SMARCA2: variants seen among roughly 807,000 people sequenced by gnomAD.
SMARCA2 encodes the protein SWI/SNF related BAF chromatin remodeling complex subunit ATPase 2, also known as SWI/SNF-related matrix-associated actin-dependent regulator of chromatin subfamily A member 2.
In SMARCA2, 61 loss-of-function variants were observed where a neutral mutation model predicts 199.8. That is an observed-to-expected ratio of 0.31 (90% CI 0.25 to 0.38). The LOEUF (loss-of-function observed/expected upper bound fraction) is 0.38. SMARCA2 is among the 10% of genes least tolerant of loss of function. The pLI is 1.00. For missense variants in SMARCA2, 1,344 were observed against 2,012.2 expected, an observed-to-expected ratio of 0.67 and a Z score of 6.35; for synonymous variants, 935 against 732.0, an observed-to-expected ratio of 1.28 and a Z score of -4.48.
Position 2,186,323 on chromosome 9 carries a change from C to T in SMARCA2, c.4594+95C>T, listed in dbSNP as rs529473519. 3 of 1,322,676 alleles carry T rather than the reference C, an allele frequency of 2.3e-6. No homozygotes were observed. The African/African-American group carries it at 5.1e-5, about 22-fold the overall frequency. The allele number at this position is 1,322,676 out of a possible 1,614,324, so 81.9% of individuals were successfully genotyped here. A position where few individuals can be genotyped will look rare whatever the true frequency, so the allele number is the denominator to read the frequency against. On this transcript the variant is annotated intron_variant, in intron 32 of 33. Transcript: ENST00000349721. The stretch of plus-strand genomic sequence containing the variant: ...TCACAGAAGAGACTTTAGAGTGGGG[C>T]AGATCTGGATTGGAGCCCTTATTCC...
chr9:2,056,573 C>G lies in SMARCA2; in HGVS notation c.1174-99C>G. On this transcript the variant is annotated intron_variant, in intron 6 of 33. Coordinates refer to ENST00000349721, the MANE Select transcript of SMARCA2 (RefSeq NM_003070.5). This position sits in a 1 kb window ranked among gnomAD's most constrained non-coding sequence, Gnocchi z 4.0. The stretch of plus-strand genomic sequence containing the variant: ...GATTGAGAAGCTTGTGGAGATTCCC[C>G]GCCCCACTCTATTCCATTAAATGCA... The G allele has an allele frequency of 7.6e-6, 8 of 1,055,402 alleles. No homozygotes were observed. In the East Asian group the frequency reaches 1.6e-4, roughly 21 times the overall value. The allele number at this position is 1,055,402 out of a possible 1,614,324, so 65.4% of individuals were successfully genotyped here.
intron 6 of SMARCA2, chr9:2,055,708 G>C (rs1820322906): frequency 6.6e-6 from 1 of 152,192 alleles, no homozygotes; most frequent in Admixed American, 6.5e-5. Context: ...CTCTTGGTTT[G>C]TGAGAGTAGA....
At chr9:2,148,213 C>A (rs10964978) in intron 27 of SMARCA2, among the ~76,000 whole-genome samples, 67,252 of 151,234 alleles carry the variant, frequency 0.44, 17,945 homozygotes, top group Non-Finnish European at 0.57. Flanking sequence ...TATGTAAGTA[C>A]TATCTAATTG....
intron 27 of SMARCA2, chr9:2,158,167 A>G: frequency 6.1e-6 from 1 of 163,440 alleles, no homozygotes; most frequent in Non-Finnish European, 1.1e-5. Context: ...GGCCAAAAAA[A>G]AAAAAAAAAA....
chr9:2,160,881 A>C, intron 27 of SMARCA2: 2 of 353,282 alleles, frequency 5.7e-6, no homozygotes, highest in South Asian at 7.9e-5. Flanking sequence ...GAGATTTACC[A>C]GGAAAAAAAA....
chr9:2,183,215 T>C (rs1827183757), intron 31 of SMARCA2, among the ~76,000 whole-genome samples: 1 of 152,238 alleles, frequency 6.6e-6, no homozygotes, highest in African/African-American at 2.4e-5. Context: ...CCTTTATTTT[T>C]CTGATTGTAC....
At chr9:2,028,057 T>C (rs1444054156) in intron 1 of SMARCA2, among the ~76,000 whole-genome samples, 1 of 152,204 alleles carries the variant, frequency 6.6e-6, no homozygotes, top group East Asian at 1.9e-4. Flanking sequence ...TGGTGGAATA[T>C]AGTTCTGCTG....
At chr9:2,072,608 T>C (rs1563749246) in intron 10 of SMARCA2, among the ~76,000 whole-genome samples, 1 of 152,254 alleles carries the variant, frequency 6.6e-6, no homozygotes. Flanking sequence ...TTTCATTCTC[T>C]CTGAAACCAT....
At chr9:2,052,670 A>T (rs1431744673) in intron 5 of SMARCA2, among the ~76,000 whole-genome samples, 1 of 152,240 alleles carries the variant, frequency 6.6e-6, no homozygotes, top group Non-Finnish European at 1.5e-5. Context: ...AATTTTTAAA[A>T]ATGATGACAT....
intron 1 of SMARCA2, among the ~76,000 whole-genome samples, chr9:2,026,637 G>T (rs185398887): frequency 5.7e-4 from 87 of 152,248 alleles, no homozygotes; most frequent in African/African-American, 1.9e-3. Context: ...CAAACTCGTG[G>T]TATATTACTT....
At chr9:2,023,183 G>T in intron 1 of SMARCA2, among the ~76,000 whole-genome samples, 1 of 152,178 alleles carries the variant, frequency 6.6e-6, no homozygotes, top group East Asian at 1.9e-4. Context: ...CAGTGTCTGA[G>T]GTTCATGGGG....
intron 27 of SMARCA2, among the ~76,000 whole-genome samples, chr9:2,128,972 C>G (rs1480944387): frequency 6.6e-6 from 1 of 152,220 alleles, no homozygotes; most frequent in African/African-American, 2.4e-5. Context: ...ACACCAGCCA[C>G]ACTTTGGGGG....
chr9:2,121,477 A>G lies in SMARCA2; in HGVS notation c.3762+1942A>G, dbSNP rs969942915. ...TTTGGCCAATTCACTATTCCTTAGC[A>G]CCTCCACTTGGGGGCAGGAAATAAA... On this transcript the variant is annotated intron_variant, in intron 26 of 33. Transcript: ENST00000349721. Among the ~76,000 whole-genome samples, 7 of 152,100 alleles carry G rather than the reference A, an allele frequency of 4.6e-5. No homozygotes were observed. The East Asian group carries it at 1.3e-3, about 29-fold the overall frequency.
At chr9:2,019,518 C>T (rs1257742048) in intron 1 of SMARCA2, among the ~76,000 whole-genome samples, 6 of 148,702 alleles carry the variant, frequency 4.0e-5, no homozygotes, top group African/African-American at 1.2e-4. Flanking sequence ...AAAAAAAGTG[C>T]CTCGGCTTGT....
intron 12 of SMARCA2, 144 bp from the exon 13 acceptor site, chr9:2,076,085 T>C (rs1821312123): frequency 1.6e-6 from 1 of 620,332 alleles, no homozygotes; most frequent in South Asian, 2.0e-5. Flanking sequence ...CTTAAGTAGA[T>C]GTTACATTTA....
intron 3 of SMARCA2, among the ~76,000 whole-genome samples, chr9:2,035,253 G>A (rs1236959598): frequency 6.6e-6 from 1 of 152,010 alleles, no homozygotes; most frequent in Non-Finnish European, 1.5e-5. Flanking sequence ...TGTTGCCCAG[G>A]CTGGTCTTTG....
In SMARCA2 at chr9:2,096,756, G is replaced by A; in HGVS notation, c.2983G>A (p.Asp995Asn). The A allele has an allele frequency of 6.2e-7, 1 of 1,604,686 alleles. No individual in the cohort carries two copies. Among genetic ancestry groups the A allele is most frequent in the Non-Finnish European group, 8.5e-7 (1 of 1,171,342 alleles). ...CCTTCTCACAGATGGTTCTGAGAAA[G>A]ATAAGAAGGTACGTTGCGAAAGATG... ...GILLTDGSEK[D>N]KKGKGGAKTL... Residue 995 changes from aspartate (D) to asparagine (N), a missense_variant, in exon 20 of 34, where the codon GAT becomes AAT. This residue lies in a region of SMARCA2 where 98 missense variants were observed against 245.6 expected (regional missense o/e 0.40). Coordinates refer to ENST00000349721, the MANE Select transcript of SMARCA2 (RefSeq NM_003070.5).
intron 27 of SMARCA2, among the ~76,000 whole-genome samples, chr9:2,149,226 G>A (rs1824925816): frequency 6.6e-6 from 1 of 151,106 alleles, no homozygotes; most frequent in African/African-American, 2.4e-5. Context: ...ATGCAAAAGT[G>A]GAAACCCCTG....
At chr9:2,181,936 T>C (rs1827057887) in intron 30 of SMARCA2, among the ~76,000 whole-genome samples, 1 of 152,204 alleles carries the variant, frequency 6.6e-6, no homozygotes, top group South Asian at 2.1e-4. Context: ...TCCCATCATA[T>C]GCTCCTCCTT....
Sources: allele counts gnomAD v4.1 joint callset (sites outside exome capture counted in the v4.1 genomes callset), GRCh38; gene constraint gnomAD v4.1.1; regional missense constraint gnomAD v4.1.1; non-coding constraint Gnocchi (gnomAD v3.1); transcripts MANE v1.5; gene names NCBI Gene and HGNC (gene_info 2026-07-23, HGNC 2026-07-21).